CLEC9A: variants seen among roughly 807,000 people sequenced by gnomAD.
CLEC9A encodes the protein C-type lectin domain containing 9A, also known as C-type lectin domain family 9 member A.
CLEC9A carries 24 observed loss-of-function variants against 30.0 expected under a neutral mutation model. That is an observed-to-expected ratio of 0.80 (90% CI 0.58 to 1.13). CLEC9A has a LOEUF of 1.13. Ranked by LOEUF, CLEC9A falls within the 50% of genes most tolerant of loss-of-function variation. The pLI, the probability that CLEC9A is intolerant of heterozygous loss-of-function variation, is 0.00. For missense variants in CLEC9A, 251 were observed against 280.9 expected, an observed-to-expected ratio of 0.89 and a Z score of 0.76; for synonymous variants, 111 against 96.8, an observed-to-expected ratio of 1.15 and a Z score of -0.86.
At chr12:10,061,105 GA>G (rs1565593520) in intron 5 of CLEC9A, 21 bp from the exon 6 acceptor site, 1 of 1,603,684 alleles carries the variant, frequency 6.2e-7, no homozygotes, top group East Asian at 2.3e-5. Context: ...ATTTTATTAG[GA>G]ATGATTGCTA....
chr12:10,034,515 T>C (rs1342008054), intron 1 of CLEC9A, among the ~76,000 whole-genome samples: 1 of 152,236 alleles, frequency 6.6e-6, no homozygotes, highest in Non-Finnish European at 1.5e-5. Context: ...GGTCTTTGCT[T>C]TCTATGTTTC....
At chr12:10,046,165 C>A (rs1865844226) in intron 2 of CLEC9A, among the ~76,000 whole-genome samples, 1 of 152,116 alleles carries the variant, frequency 6.6e-6, no homozygotes, top group African/African-American at 2.4e-5. Context: ...ATAATACATC[C>A]TCCATTTATA....
At chr12:10,045,551 C>G in intron 2 of CLEC9A, 1 of 280,078 alleles carries the variant, frequency 3.6e-6, no homozygotes, top group Middle Eastern at 1.5e-3. Context: ...AGAAAAGGCA[C>G]TCTACCTTCT....
At position 10,030,740 on chromosome 12, in the gene CLEC9A, A is replaced by G. The variant is rs1865686828; in HGVS notation, c.-550A>G. The stretch of plus-strand genomic sequence containing the variant: ...AATGCTTTTCTGCTAGACTGGCAAC[A>G]TGTTTTGATTCTTCTCAAATAACTC... On this transcript the variant is annotated 5_prime_UTR_variant, in exon 1 of 9. The change abolishes an upstream ATG in the 5' untranslated region. Transcript: ENST00000355819. 3 of 152,226 alleles carry G rather than the reference A, an allele frequency of 2.0e-5. No homozygotes were observed. Among genetic ancestry groups the G allele is most frequent in the African/African-American group, 7.2e-5 (3 of 41,456 alleles). 9.4% of individuals were successfully genotyped at this position (152,226 alleles called of 1,614,324 possible). A position where few individuals can be genotyped will look rare whatever the true frequency, so the allele number is the denominator to read the frequency against.
intron 2 of CLEC9A, among the ~76,000 whole-genome samples, chr12:10,047,287 CGTCTCCCAAAA>C (rs1865855057): frequency 1.3e-5 from 2 of 152,240 alleles, no homozygotes; most frequent in South Asian, 4.1e-4. Flanking sequence ...GCTTTTGTTT[CGTCTCCCAAAA>C]ATGGAAAAGC....
intron 4 of CLEC9A, among the ~76,000 whole-genome samples, chr12:10,053,153 T>G (rs1865910494): frequency 6.6e-6 from 1 of 152,212 alleles, no homozygotes; most frequent in Admixed American, 6.5e-5. Flanking sequence ...ACTGGCAAGA[T>G]CTCATTGGCC....
intron 2 of CLEC9A, among the ~76,000 whole-genome samples, chr12:10,048,366 GA>G (rs35035367): frequency 0.75 from 96,660 of 128,560 alleles, 35,607 homozygotes; most frequent in Middle Eastern, 0.89. Flanking sequence ...GTGAGATTCC[GA>G]AAAAAAAAAA....
intron 1 of CLEC9A, among the ~76,000 whole-genome samples, chr12:10,032,477 G>A (rs182231501): frequency 5.9e-4 from 81 of 137,896 alleles, no homozygotes; most frequent in Admixed American, 4.2e-3. Context: ...TGCAATCTCC[G>A]CCTCCCGGGT....
At chr12:10,035,024 C>T (rs780051552) in intron 1 of CLEC9A, among the ~76,000 whole-genome samples, 1 of 152,172 alleles carries the variant, frequency 6.6e-6, no homozygotes, top group African/African-American at 2.4e-5. Flanking sequence ...GATGGTGGAG[C>T]CAAAAGGGTG....
intron 4 of CLEC9A, among the ~76,000 whole-genome samples, chr12:10,053,911 T>C (rs1865917065): frequency 6.6e-6 from 1 of 152,204 alleles, no homozygotes; most frequent in Admixed American, 6.5e-5. Context: ...GCATTTTTTA[T>C]CTCAAAACAT....
chr12:10,064,793 C>T lies in CLEC9A; in HGVS notation c.533C>T (p.Ser178Phe). 1 of 1,613,570 alleles carries T rather than the reference C, an allele frequency of 6.2e-7. No individual in the cohort carries two copies. The highest frequency in any genetic ancestry group is 8.5e-7 in the Non-Finnish European group (1 of 1,179,736). The change falls in exon 8 of 9, where the codon TCT (serine) becomes TTT (phenylalanine). Residue 178 changes from serine to phenylalanine, a missense_variant. Coordinates refer to ENST00000355819, the MANE Select transcript of CLEC9A (RefSeq NM_207345.4). ...KGSYDYWVGL[S>F]QDGHSGRWLW... ...AGCTATGATTACTGGGTGGGGTTGT[C>T]TCAGGATGGACACAGCGGACGCTGG...
chr12:10,033,193 A>G (rs1865715158), intron 1 of CLEC9A, among the ~76,000 whole-genome samples: 1 of 151,936 alleles, frequency 6.6e-6, no homozygotes, highest in Non-Finnish European at 1.5e-5. Context: ...TTCATTCACA[A>G]CCCAATCCTC....
Position 10,032,540 on chromosome 12 carries a change from G to A in CLEC9A, c.-318+1568G>A, listed in dbSNP as rs374569995. Among the ~76,000 whole-genome samples, 157 of 151,970 alleles carry A rather than the reference G, an allele frequency of 1.0e-3. 4 individuals are homozygous for A. The South Asian group carries it at 0.031, about 30-fold the overall frequency. On this transcript the variant is annotated intron_variant, in intron 1 of 8. Coordinates refer to ENST00000355819, the MANE Select transcript of CLEC9A (RefSeq NM_207345.4). ...CGAGTAGCTGGGACTAAAGGCACCC[G>A]CCACCAAGCCTGGCTAATTTTTTTT...
rs1591891765 is a variant in CLEC9A at position 10,054,316 on chromosome 12, G to T, written c.137G>T (p.Gly46Val). Residue 46 changes from glycine (G) to valine (V), a missense_variant, in exon 5 of 9, where the codon GGA becomes GTA. By Grantham distance (109) the Gly-to-Val change is moderately radical. Transcript: ENST00000355819. ...GTGATTTCATGTGTTTTCTGCATGG[G>T]ATTATTAACAGCATCCATTTTCTTG... ...VMVISCVFCM[G>V]LLTASIFLGV... The T allele has an allele frequency of 1.9e-6, 3 of 1,613,104 alleles. No individual in the cohort carries two copies. In the African/African-American group the frequency reaches 4.0e-5, roughly 22 times the overall value.
intron 4 of CLEC9A, 85 bp downstream of exon 4, chr12:10,052,863 A>T (rs1488274747): frequency 4.8e-6 from 7 of 1,444,598 alleles, no homozygotes; most frequent in Non-Finnish European, 4.7e-6. Flanking sequence ...CAAGATGTTT[A>T]TTCTAATCCG....
chr12:10,063,015 T>A (rs1429173890), intron 6 of CLEC9A, 40 bp from the exon 7 acceptor site: 13 of 1,542,706 alleles, frequency 8.4e-6, no homozygotes, highest in African/African-American at 1.4e-5. Flanking sequence ...TTGTTAATAT[T>A]TTACAATAAG....
chr12:10,040,639 A>G (rs1039729760), intron 1 of CLEC9A, among the ~76,000 whole-genome samples: 2 of 151,692 alleles, frequency 1.3e-5, no homozygotes, highest in Non-Finnish European at 2.9e-5. Context: ...TTTAGTAGAG[A>G]TGGGGTTTCA....
chr12:10,034,542 C>T (rs1865728042), intron 1 of CLEC9A, among the ~76,000 whole-genome samples: 1 of 152,142 alleles, frequency 6.6e-6, no homozygotes, highest in Non-Finnish European at 1.5e-5. Flanking sequence ...ATCTGTGCTC[C>T]CCACCCTTTA....
Position 10,043,670 on chromosome 12 carries a change from G to GTATA in CLEC9A, c.-163+2067_-163+2070dup, listed in dbSNP as rs60284724. Among the ~76,000 whole-genome samples the GTATA allele has an allele frequency of 7.2e-4, 105 of 146,244 alleles. 1 individual carries two copies. Among genetic ancestry groups the GTATA allele is most frequent in the African/African-American group, 2.6e-3 (102 of 39,490 alleles). On this transcript the variant is annotated intron_variant, in intron 2 of 8. Transcript: ENST00000355819. ...TTGCTCTGATTCTCTGCATATATAT[G>GTATA]TATATATATATATATATATAGACAG... is the stretch of plus-strand genomic sequence containing the variant.
Sources: gnomAD v4.1 joint callset for allele counts (sites outside exome capture counted in the v4.1 genomes callset) on GRCh38, gnomAD v4.1.1 for gene constraint, MANE v1.5 for transcripts, NCBI Gene and HGNC (gene_info 2026-07-23, HGNC 2026-07-21) for gene names.